Variants in ATP2B3 observed in about 807,000 individuals in gnomAD.
The protein encoded by ATP2B3 is plasma membrane calcium-transporting ATPase 3.
A neutral mutation model predicts 70.8 loss-of-function variants in ATP2B3; 12 were observed. The observed-to-expected ratio is 0.17, with a 90% CI of 0.11 to 0.27. ATP2B3 has a LOEUF of 0.27. Ranked by LOEUF, ATP2B3 falls within the 10% of genes least tolerant of loss-of-function variation. The probability of loss-of-function intolerance (pLI) is 1.00; values close to 1 mark genes in which losing one functional copy is unlikely to be tolerated. For missense variants in ATP2B3, 858 were observed against 1,118.5 expected (o/e 0.77, Z 3.32); for synonymous variants, 460 against 497.8 (o/e 0.92, Z 1.01).
chrX:153,535,887 C>A lies in ATP2B3; in HGVS notation c.-126-235C>A, dbSNP rs148930758. ...GGAGGCATCGACACTTCCCCTCCCC[C>A]ACCTGGGCAAGCCCTCCAGGTTCTG... On this transcript the variant is annotated intron_variant, in intron 2 of 21. Transcript: ENST00000263519. Among the ~76,000 whole-genome samples the A allele has an allele frequency of 9.9e-3, 1,116 of 112,743 alleles. 14 individuals carry two copies. Among genetic ancestry groups the A allele is most frequent in the African/African-American group, 0.034 (1,056 of 31,032 alleles).
At chrX:153,547,157 T>A in intron 8 of ATP2B3, among the ~76,000 whole-genome samples, 1 of 109,973 alleles carries the variant, frequency 9.1e-6, no homozygotes, top group East Asian at 2.9e-4. Flanking sequence ...CTCTGGGCCG[T>A]GGAGTGGGTG....
intron 16 of ATP2B3, 149 bp from the exon 17 acceptor site, chrX:153,557,963 C>T: frequency 2.6e-6 from 1 of 387,088 alleles, no homozygotes; most frequent in South Asian, 7.3e-5. Flanking sequence ...CAACAAAAAA[C>T]AGTGCTGTTC....
intron 13 of ATP2B3, among the ~76,000 whole-genome samples, chrX:153,553,531 C>A (rs886232677): frequency 2.7e-5 from 3 of 111,984 alleles, no homozygotes; most frequent in African/African-American, 9.7e-5. Flanking sequence ...GCGGAGAGAC[C>A]GTCGACATTT....
chrX:153,525,156 G>A (rs1209358806), intron 2 of ATP2B3, among the ~76,000 whole-genome samples: 1 of 112,430 alleles, frequency 8.9e-6, no homozygotes, highest in African/African-American at 3.2e-5. Flanking sequence ...GGAAGCCACT[G>A]TGGGCCGGCA....
rs907633724 is a variant in ATP2B3, at chrX:153,562,006, C to T, written c.3052-129C>T. 6.8e-6 allele frequency: 4 copies of T among 591,487 alleles called. No individual in the cohort carries two copies. In the African/African-American group the frequency reaches 8.8e-5, roughly 13 times the overall value. The allele number at this position is 591,487 out of a possible 1,213,427, so 48.7% of individuals were successfully genotyped here. On this transcript the variant is annotated intron_variant, in intron 19 of 21. Transcript: ENST00000263519. ...GTCATCACGCCCCCGGCCTTGTGGT[C>T]CTCTCGCAAGGAGCAGCCCGTGCAA...
chrX:153,545,157 G>C (rs1444154125), intron 7 of ATP2B3, among the ~76,000 whole-genome samples: 3 of 112,751 alleles, frequency 2.7e-5, no homozygotes, highest in African/African-American at 9.7e-5. Context: ...TGGGAGTGCA[G>C]ATGTGGCCCC....
intron 2 of ATP2B3, among the ~76,000 whole-genome samples, chrX:153,522,465 A>G (rs1159899933): frequency 9.0e-6 from 1 of 111,051 alleles, no homozygotes; most frequent in Non-Finnish European, 1.9e-5. Context: ...TCCTGCCCTG[A>G]CCCCGCCTCC....
chrX:153,551,454 A>G (rs2090455550), intron 12 of ATP2B3, among the ~76,000 whole-genome samples: 1 of 111,444 alleles, frequency 9.0e-6, no homozygotes, highest in Non-Finnish European at 1.9e-5. Flanking sequence ...TTTTTTCTGT[A>G]TTCTGGATCC....
rs2090912338 is a variant in ATP2B3, at chrX:153,580,646, A to C, written c.*348A>C. On this transcript the variant is annotated 3_prime_UTR_variant, in exon 22 of 22. Coordinates refer to ENST00000263519, the MANE Select transcript of ATP2B3 (RefSeq NM_001001344.3). ...GAGTTCCCCACCTTTTTTTCTATTGATGCTTCTTTTTTAACAAACTACAGT... is the reference window on the plus strand; with the variant it reads ...GAGTTCCCCACCTTTTTTTCTATTGCTGCTTCTTTTTTAACAAACTACAGT... 4.8e-6 allele frequency: 1 copy of C among 209,453 alleles called. No individual in the cohort carries two copies. The highest frequency in any genetic ancestry group is 8.4e-5 in the East Asian group (1 of 11,860). The allele number at this position is 209,453 out of a possible 1,213,427, so 17.3% of individuals were successfully genotyped here. A position where few individuals can be genotyped will look rare whatever the true frequency, so the allele number is the denominator to read the frequency against.
intron 2 of ATP2B3, among the ~76,000 whole-genome samples, chrX:153,527,317 C>T (rs1400512187): frequency 8.9e-6 from 1 of 112,796 alleles, no homozygotes; most frequent in African/African-American, 3.2e-5. Flanking sequence ...TAGAGTCTTT[C>T]ACGCTGGCCA....
intron 2 of ATP2B3, among the ~76,000 whole-genome samples, chrX:153,532,219 G>C (rs782326101): frequency 8.9e-6 from 1 of 112,812 alleles, no homozygotes; most frequent in South Asian, 3.6e-4. Flanking sequence ...TCAAAACTCA[G>C]TGTGTGCCAT....
Position 153,543,048 on chromosome X carries a change from C to T in ATP2B3, c.796C>T (p.His266Tyr). The T allele has an allele frequency of 8.3e-7, 1 of 1,211,079 alleles. No homozygotes were observed. Among genetic ancestry groups the T allele is most frequent in the Non-Finnish European group, 1.1e-6 (1 of 895,082 alleles). The stretch of plus-strand genomic sequence containing the variant: ...TCTCTGTGTTGCTGTTCCAGGCACT[C>T]ATGTCATGGAAGGTTCTGGAAGAAT... Reference protein sequence around the residue: ...DKDPMLLSGTHVMEGSGRMVV... With the variant: ...DKDPMLLSGTYVMEGSGRMVV... Residue 266 changes from histidine (H) to tyrosine (Y), a missense_variant, in exon 7 of 22, where the codon CAT becomes TAT. Around this residue, in one of 5 missense-constraint regions of ATP2B3, gnomAD observed 278 missense variants for 366.2 expected, o/e 0.76. Coordinates refer to ENST00000263519, the MANE Select transcript of ATP2B3 (RefSeq NM_001001344.3).
intron 2 of ATP2B3, among the ~76,000 whole-genome samples, chrX:153,521,363 C>G (rs1163567389): frequency 8.9e-6 from 1 of 112,830 alleles, no homozygotes; most frequent in African/African-American, 3.2e-5. Context: ...GAAGCAGGCT[C>G]TCAAATGCAG....
intron 20 of ATP2B3, among the ~76,000 whole-genome samples, chrX:153,562,605 C>G (rs782213267): frequency 8.9e-6 from 1 of 111,931 alleles, no homozygotes; most frequent in South Asian, 3.7e-4. Flanking sequence ...AAGAAAGTCT[C>G]CAGAGAAATT....
intron 20 of ATP2B3, among the ~76,000 whole-genome samples, chrX:153,564,719 C>A (rs781971014): frequency 1.1e-4 from 12 of 113,480 alleles, no homozygotes; most frequent in Non-Finnish European, 2.2e-4. Context: ...ATCTCAGCCC[C>A]CCGGGGGAAC....
intron 7 of ATP2B3, among the ~76,000 whole-genome samples, chrX:153,545,341 G>A (rs187514781): frequency 4.4e-5 from 5 of 113,024 alleles, no homozygotes; most frequent in Admixed American, 1.8e-4. Flanking sequence ...AAAGCGCCCC[G>A]CAGAGTCCTA....
intron 21 of ATP2B3, among the ~76,000 whole-genome samples, chrX:153,579,414 G>C (rs183528949): frequency 2.4e-4 from 27 of 112,830 alleles, no homozygotes; most frequent in African/African-American, 8.4e-4. Flanking sequence ...GAGAAAGGCC[G>C]GCAGTGCCCA....
intron 2 of ATP2B3, among the ~76,000 whole-genome samples, chrX:153,528,661 C>T (rs2090069550): frequency 8.9e-6 from 1 of 111,881 alleles, no homozygotes; most frequent in East Asian, 2.8e-4. Context: ...TCTAGGTGGG[C>T]AACCTAGGGC....
At position 153,543,185 on chromosome X, in the gene ATP2B3, G is replaced by A. The variant is rs782099651; in HGVS notation, c.916+17G>A. 1.2e-5 allele frequency: 14 copies of A among 1,198,779 alleles called. No homozygotes were observed. The highest frequency in any genetic ancestry group is 6.7e-5 in the Admixed American group (3 of 44,690). On this transcript the variant is annotated intron_variant, in intron 7 of 21. Coordinates refer to ENST00000263519, the MANE Select transcript of ATP2B3 (RefSeq NM_001001344.3). The stretch of plus-strand genomic sequence containing the variant: ...ATAAGAAAGGTAGCGCAGCAGTGCC[G>A]CCAGTCCCTGGTGCTGGTGGCGGCT...
Sources: gnomAD v4.1 joint callset for allele counts (sites outside exome capture counted in the v4.1 genomes callset) on GRCh38, gnomAD v4.1.1 for gene constraint, gnomAD v4.1.1 regional missense constraint, MANE v1.5 for transcripts, NCBI Gene and HGNC (gene_info 2026-07-23, HGNC 2026-07-21) for gene names.